BTBD2: variants seen among roughly 807,000 people sequenced by gnomAD.
BTBD2 encodes BTB domain containing 2.
BTBD2 carries 15 observed loss-of-function variants against 44.0 expected under a neutral mutation model. The observed-to-expected ratio is 0.34, with a 90% CI of 0.23 to 0.53. BTBD2 has a LOEUF of 0.53. Ranked by LOEUF, BTBD2 falls within the 20% of genes least tolerant of loss-of-function variation. BTBD2 has a pLI of 0.95. For missense variants in BTBD2, 657 were observed against 746.4 expected (o/e 0.88, Z 1.39); for synonymous variants, 443 against 335.9 (o/e 1.32, Z -3.49).
chr19:1,989,969 C>A (rs1178137875), intron 5 of BTBD2, 35 bp downstream of exon 5: 2 of 1,610,166 alleles, frequency 1.2e-6, no homozygotes, highest in Admixed American at 1.7e-5. Flanking sequence ...TGCCACTCCC[C>A]TCCCAAACCA....
intron 3 of BTBD2, chr19:1,991,356 G>C (rs897134476): frequency 3.2e-5 from 5 of 156,828 alleles, no homozygotes; most frequent in African/African-American, 9.6e-5. Flanking sequence ...CAGAGGCTTA[G>C]TTAGTGGAAG....
At position 1,998,215 on chromosome 19, in the gene BTBD2, C is replaced by A. The variant is rs1599354045; in HGVS notation, c.408-752G>T. On this transcript the variant is annotated intron_variant, in intron 1 of 8. Coordinates refer to ENST00000255608, the MANE Select transcript of BTBD2 (RefSeq NM_017797.4). ...CTGCTCACGCATTCCCTCATCAGCA[C>A]AAGCTTTCCCAGGGAGTCAGCTACA... 3.3e-5 allele frequency among the ~76,000 whole-genome samples: 5 copies of A among 152,374 alleles called. 1 individual carries two copies. The highest frequency in any genetic ancestry group is 3.3e-4 in the Admixed American group (5 of 15,300).
intron 1 of BTBD2, chr19:2,014,179 T>G (rs1011682102): frequency 7.1e-6 from 1 of 141,370 alleles, no homozygotes; most frequent in African/African-American, 2.7e-5. Flanking sequence ...GGAGAGTCCC[T>G]GGGTACAGGG....
chr19:2,013,984 T>G, intron 1 of BTBD2: 1 of 140,122 alleles, frequency 7.1e-6, no homozygotes, highest in Non-Finnish European at 1.6e-5. Flanking sequence ...GAGTCATAGG[T>G]TGGGGGTTAC....
At chr19:1,989,887 T>TGC in intron 5 of BTBD2, 117 bp downstream of exon 5, 2 of 1,183,458 alleles carry the variant, frequency 1.7e-6, no homozygotes, top group South Asian at 2.8e-5. Flanking sequence ...TATCTGTATA[T>TGC]GCCAGGCATC....
At chr19:1,999,833 G>GCA (rs2016304132) in intron 1 of BTBD2, among the ~76,000 whole-genome samples, 1 of 151,826 alleles carries the variant, frequency 6.6e-6, no homozygotes, top group Non-Finnish European at 1.5e-5. Context: ...GTGGTGGTGG[G>GCA]TGCCTGTAAT....
chr19:1,993,735 C>T (rs2016212901), intron 2 of BTBD2, among the ~76,000 whole-genome samples: 1 of 152,144 alleles, frequency 6.6e-6, no homozygotes, highest in Admixed American at 6.6e-5. Context: ...GTGGTTCACG[C>T]CTGTAACCCC....
chr19:2,013,566 C>G (rs1177326436), intron 1 of BTBD2: 2 of 987,434 alleles, frequency 2.0e-6, no homozygotes, highest in Non-Finnish European at 2.4e-6. Flanking sequence ...AGTCCAGGGT[C>G]CAGAGCCTGG....
At chr19:1,994,425 T>A (rs62129506) in intron 2 of BTBD2, among the ~76,000 whole-genome samples, 1 of 150,966 alleles carries the variant, frequency 6.6e-6, no homozygotes, top group Non-Finnish European at 1.5e-5. Context: ...AGACCAGGAG[T>A]TGGAAACCAG....
chr19:1,993,192 G>T lies in BTBD2; in HGVS notation c.528-16C>A. The stretch of plus-strand genomic sequence containing the variant: ...GTAGAGAAACCTGCAGAAGCAACGC[G>T]GGTGGCCGTGAGGTGGGACCGCCAT... On this transcript the variant is annotated splice_polypyrimidine_tract_variant and intron_variant, in intron 2 of 8. Coordinates refer to ENST00000255608, the MANE Select transcript of BTBD2 (RefSeq NM_017797.4). 1 of 1,585,544 alleles carries T rather than the reference G, an allele frequency of 6.3e-7. No homozygotes were observed. The highest frequency in any genetic ancestry group is 8.5e-7 in the Non-Finnish European group (1 of 1,172,642).
At chr19:2,014,654 G>A (rs925737465) in intron 1 of BTBD2, 181 of 153,438 alleles carry the variant, frequency 1.2e-3, no homozygotes, top group Non-Finnish European at 1.9e-3. Flanking sequence ...AGGGCCCTGA[G>A]GATGGGGTAT....
At chr19:2,000,198 C>CG (rs2016311216) in intron 1 of BTBD2, among the ~76,000 whole-genome samples, 1 of 152,090 alleles carries the variant, frequency 6.6e-6, no homozygotes, top group Non-Finnish European at 1.5e-5. Context: ...TTTGACCCCC[C>CG]CAGTGTGTGG....
At position 1,989,910 on chromosome 19, in the gene BTBD2, C is replaced by T. The variant is rs780269237; in HGVS notation, c.988+94G>A. On this transcript the variant is annotated intron_variant, in intron 5 of 8. Coordinates refer to ENST00000255608, the MANE Select transcript of BTBD2 (RefSeq NM_017797.4). Reference sequence around the variant, plus strand: ...TATGCCAGGCATCTGCCAGGCTTTCCGCAGTGAACTCGGGGGCACTATCCT... The same window carrying T: ...TATGCCAGGCATCTGCCAGGCTTTCTGCAGTGAACTCGGGGGCACTATCCT... The T allele has an allele frequency of 1.0e-4, 143 of 1,418,198 alleles. No individual in the cohort carries two copies. The Middle Eastern group carries it at 1.2e-3, about 12-fold the overall frequency. 87.9% of individuals were successfully genotyped at this position (1,418,198 alleles called of 1,614,324 possible). A position where few individuals can be genotyped will look rare whatever the true frequency, so the allele number is the denominator to read the frequency against.
chr19:1,989,825 C>T (rs374361048), intron 5 of BTBD2, 179 bp downstream of exon 5: 11 of 681,476 alleles, frequency 1.6e-5, no homozygotes, highest in East Asian at 5.5e-5. Flanking sequence ...AGAGCCGGGC[C>T]GGGGCTAACA....
chr19:2,012,313 C>T lies in BTBD2; in HGVS notation c.407+2984G>A, dbSNP rs975068391. ...GATTACAGGTGTGCGCCACCACGCC[C>T]GGCTAATTTTTGTATTTTTGTAGAG... On this transcript the variant is annotated intron_variant, in intron 1 of 8. Transcript: ENST00000255608. Among the ~76,000 whole-genome samples the T allele has an allele frequency of 9.3e-5, 14 of 150,308 alleles. No homozygotes were observed. In the East Asian group the frequency reaches 1.8e-3, roughly 19 times the overall value.
intron 2 of BTBD2, among the ~76,000 whole-genome samples, chr19:1,994,270 C>G (rs1194811454): frequency 1.3e-5 from 2 of 151,258 alleles, no homozygotes; most frequent in Non-Finnish European, 2.9e-5. Context: ...GAGCCAAGAT[C>G]GTATCACTGC....
intron 1 of BTBD2, among the ~76,000 whole-genome samples, chr19:2,000,430 C>T (rs1232969174): frequency 6.6e-6 from 1 of 152,200 alleles, no homozygotes; most frequent in African/African-American, 2.4e-5. Flanking sequence ...GGTTCAAAAG[C>T]AGAAAGCAGG....
intron 8 of BTBD2, 58 bp downstream of exon 8, chr19:1,986,772 G>C: frequency 6.4e-7 from 1 of 1,571,696 alleles, no homozygotes; most frequent in Non-Finnish European, 8.6e-7. Context: ...CTGTGCCCCG[G>C]TGGCTTCAGG....
At chr19:2,000,474 T>C (rs2016314982) in intron 1 of BTBD2, among the ~76,000 whole-genome samples, 1 of 152,326 alleles carries the variant, frequency 6.6e-6, no homozygotes, top group South Asian at 2.1e-4. Context: ...GGGCCGTCCA[T>C]GCAGTTTGGA....
Sources: gnomAD v4.1 joint callset for allele counts (sites outside exome capture counted in the v4.1 genomes callset) on GRCh38, gnomAD v4.1.1 for gene constraint, MANE v1.5 for transcripts, NCBI Gene and HGNC (gene_info 2026-07-23, HGNC 2026-07-21) for gene names.